The following TET1 variants were observed in gnomAD, a reference collection of about 807,000 sequenced individuals.
The protein encoded by TET1 is methylcytosine dioxygenase TET1.
A neutral mutation model predicts 148.7 loss-of-function variants in TET1; 13 were observed. The observed-to-expected ratio is 0.09, with a 90% confidence interval of 0.06 to 0.14. The LOEUF (loss-of-function observed/expected upper bound fraction) is 0.14, where lower values mean the gene tolerates loss of function less well. Among genes scored for constraint, TET1 ranks in the 10% least tolerant of loss-of-function variants. The probability of loss-of-function intolerance (pLI) is 1.00; values close to 1 mark genes in which losing one functional copy is unlikely to be tolerated. For missense variants in TET1, 2,182 were observed against 2,553.8 expected (o/e 0.85, Z 3.14); for synonymous variants, 907 against 937.2 (o/e 0.97, Z 0.59).
chr10:68,692,664 G>A lies in TET1; in HGVS notation c.*850G>A, dbSNP rs1004956369. 2 of 231,490 alleles carry A rather than the reference G, an allele frequency of 8.6e-6. No individual in the cohort carries two copies. Among genetic ancestry groups the A allele is most frequent in the Non-Finnish European group, 1.7e-5 (2 of 116,942 alleles). The allele number at this position is 231,490 out of a possible 1,614,324, so 14.3% of individuals were successfully genotyped here. ...AGTATATAAAATAGTTAGATAATGAGAAGTTGTTAATTATCTCTAAAATTG... is the reference window on the plus strand; with the variant it reads ...AGTATATAAAATAGTTAGATAATGAAAAGTTGTTAATTATCTCTAAAATTG... On this transcript the variant is annotated 3_prime_UTR_variant, in exon 12 of 12. Transcript: ENST00000373644.
At chr10:68,592,215 C>T (rs1320538352) in intron 2 of TET1, among the ~76,000 whole-genome samples, 2 of 151,974 alleles carry the variant, frequency 1.3e-5, no homozygotes, top group African/African-American at 2.4e-5. Context: ...ACTCGGGAGG[C>T]TGAGGCATGA....
intron 2 of TET1, among the ~76,000 whole-genome samples, chr10:68,589,804 G>A (rs773248876): frequency 2.0e-5 from 3 of 151,204 alleles, no homozygotes; most frequent in South Asian, 2.1e-4. Flanking sequence ...CCCAAGTAGC[G>A]GGGACTACAG....
chr10:68,580,342 A>T, intron 2 of TET1, among the ~76,000 whole-genome samples: 1 of 73,162 alleles, frequency 1.4e-5, no homozygotes, highest in African/African-American at 4.9e-5. Flanking sequence ...TTTTTTTGAG[A>T]CAGAGTCTTG....
At chr10:68,604,487 A>G (rs550924103) in intron 3 of TET1, among the ~76,000 whole-genome samples, 1 of 152,314 alleles carries the variant, frequency 6.6e-6, no homozygotes, top group Admixed American at 6.5e-5. Flanking sequence ...TAATGTAGCT[A>G]CAGCTGAGTA....
At position 68,645,389 on chromosome 10, in the gene TET1, C is replaced by G. The variant is rs1056932913; in HGVS notation, c.2660C>G (p.Thr887Arg). Residue 887 changes from threonine to arginine, a missense_variant, in exon 4 of 12, where the codon ACA becomes AGA. By Grantham distance (71) the Thr-to-Arg change is moderately conservative (BLOSUM62 -1). Transcript: ENST00000373644. ...LLSLMKDRRL[T>R]LEQVVAIEAL... ...TCGTTAATGAAAGATAGGAGATTAA[C>G]ATTGGAGCAAGTGGTAGCCATAGAG... 1 of 1,614,086 alleles carries G rather than the reference C, an allele frequency of 6.2e-7. No homozygotes were observed. Among genetic ancestry groups the G allele is most frequent in the African/African-American group, 1.3e-5 (1 of 75,056 alleles).
intron 7 of TET1, among the ~76,000 whole-genome samples, 153 bp downstream of exon 7, chr10:68,667,409 G>T (rs1247433529): frequency 1.3e-5 from 2 of 152,126 alleles, no homozygotes; most frequent in Admixed American, 6.6e-5. Context: ...TAAAGAGAGA[G>T]TCTCTATTTT....
chr10:68,652,616 A>AT (rs776911266), intron 6 of TET1, 22 bp downstream of exon 6: 13 of 1,546,160 alleles, frequency 8.4e-6, no homozygotes, highest in Non-Finnish European at 1.2e-5. Flanking sequence ...CTATTTATAC[A>AT]TTTTTTTGAA....
At chr10:68,595,988 A>G (rs1255225173) in intron 2 of TET1, among the ~76,000 whole-genome samples, 1 of 57,742 alleles carries the variant, frequency 1.7e-5, no homozygotes, top group African/African-American at 7.8e-5. Context: ...ATATATACAC[A>G]CACACACACA....
At position 68,573,111 on chromosome 10, in the gene TET1, C is replaced by A; in HGVS notation, c.773C>A (p.Pro258His). Residue 258 changes from proline (P) to histidine (H), a missense_variant, in exon 2 of 12, where the codon CCC (proline) becomes CAC (histidine). This residue lies in a region of TET1 where 665 missense variants were observed against 672.4 expected (regional missense o/e 0.99). Transcript: ENST00000373644. Reference protein sequence around the residue: ...VCAPFPQRATPKVTSQGNPSI... With the variant: ...VCAPFPQRATHKVTSQGNPSI... Reference sequence around the variant, plus strand: ...GCTCCTTTTCCCCAAAGAGCAACCCCCAAAGTTACCTCTCAAGGAAACCCC... The same window carrying A: ...GCTCCTTTTCCCCAAAGAGCAACCCACAAAGTTACCTCTCAAGGAAACCCC... 6.2e-7 allele frequency: 1 copy of A among 1,614,070 alleles called. No homozygotes were observed. The highest frequency in any genetic ancestry group is 8.5e-7 in the Non-Finnish European group (1 of 1,179,998).
At chr10:68,570,880 G>A (rs756552015) in intron 1 of TET1, among the ~76,000 whole-genome samples, 1 of 151,918 alleles carries the variant, frequency 6.6e-6, no homozygotes, top group Non-Finnish European at 1.5e-5. Flanking sequence ...TGATCTGCCT[G>A]CCTCAGCCTT....
At chr10:68,598,608 G>A (rs2054014249) in intron 2 of TET1, among the ~76,000 whole-genome samples, 1 of 151,974 alleles carries the variant, frequency 6.6e-6, no homozygotes, top group South Asian at 2.1e-4. Flanking sequence ...ACTGGTGGAT[G>A]TGCATATTTC....
At chr10:68,606,908 C>CAAAG (rs2054132925) in intron 3 of TET1, among the ~76,000 whole-genome samples, 1 of 152,154 alleles carries the variant, frequency 6.6e-6, no homozygotes, top group Admixed American at 6.6e-5. Flanking sequence ...TTCACACAAT[C>CAAAG]AAAGACACAC....
In TET1 at chr10:68,691,783, A is replaced by T. The variant is rs771672219; in HGVS notation, c.6380A>T (p.His2127Leu). The change falls in exon 12 of 12, where the codon CAC (histidine) becomes CTC (leucine). Residue 2127 changes from histidine to leucine, a missense_variant. Physicochemically the swap from His to Leu is moderately conservative, Grantham distance 99. Transcript: ENST00000373644. This position sits in a 1 kb window ranked among gnomAD's most constrained non-coding sequence, Gnocchi z 4.4. ...VVTVSPYALT[H>L]VAGPYNHWV ...ACCGTGTCCCCTTATGCTCTCACAC[A>T]CGTTGCGGGGCCCTATAACCATTGG... 6 of 1,613,664 alleles carry T rather than the reference A, an allele frequency of 3.7e-6. No individual in the cohort carries two copies.
intron 3 of TET1, among the ~76,000 whole-genome samples, chr10:68,635,759 G>A (rs905688538): frequency 6.6e-6 from 1 of 152,314 alleles, no homozygotes; most frequent in East Asian, 1.9e-4. Context: ...GGGAGGCTGA[G>A]GCAGGCGGAT....
chr10:68,627,979 A>G (rs1012577332), intron 3 of TET1, among the ~76,000 whole-genome samples: 1 of 151,800 alleles, frequency 6.6e-6, no homozygotes, highest in East Asian at 1.9e-4. Context: ...CGGCCCCCAA[A>G]TATTTATTAT....
At chr10:68,579,947 A>G in intron 2 of TET1, among the ~76,000 whole-genome samples, 1 of 143,278 alleles carries the variant, frequency 7.0e-6, no homozygotes, top group South Asian at 2.2e-4. Flanking sequence ...TTTTTTTTTC[A>G]GATAGAATTT....
chr10:68,652,189 A>G (rs1022148827), intron 5 of TET1, among the ~76,000 whole-genome samples: 6 of 152,136 alleles, frequency 3.9e-5, no homozygotes, highest in Non-Finnish European at 8.8e-5. Context: ...TACTTTTTAT[A>G]TATCGCATAA....
Position 68,574,308 on chromosome 10 carries a change from A to G in TET1, c.1914+56A>G, listed in dbSNP as rs548115370. On this transcript the variant is annotated intron_variant, in intron 2 of 11. Coordinates refer to ENST00000373644, the MANE Select transcript of TET1 (RefSeq NM_030625.3). ...GCTGACACTTGGTATAGTGATCTAT[A>G]TGCAGAGACACTTCTAGTGTCTCTA... 3.6e-6 allele frequency: 5 copies of G among 1,396,822 alleles called. No individual in the cohort carries two copies. In the South Asian group the frequency reaches 6.5e-5, roughly 18 times the overall value. The allele number at this position is 1,396,822 out of a possible 1,614,324, so 86.5% of individuals were successfully genotyped here.
intron 3 of TET1, among the ~76,000 whole-genome samples, chr10:68,639,211 C>T (rs1355076955): frequency 6.6e-6 from 1 of 150,908 alleles, no homozygotes; most frequent in Non-Finnish European, 1.5e-5. Context: ...GTAGTGAGGT[C>T]AGGAGTGCGA....
Sources: gnomAD v4.1 joint callset for allele counts (sites outside exome capture counted in the v4.1 genomes callset) on GRCh38, gnomAD v4.1.1 for gene constraint, gnomAD v4.1.1 regional missense constraint, Gnocchi (gnomAD v3.1) non-coding constraint, MANE v1.5 for transcripts, NCBI Gene and HGNC (gene_info 2026-07-23, HGNC 2026-07-21) for gene names.